Variants in STAMBPL1 observed in about 807,000 individuals in gnomAD.
STAMBPL1 encodes the protein AMSH-like protease.
A neutral mutation model predicts 52.9 loss-of-function variants in STAMBPL1; 44 were observed. The observed-to-expected ratio is 0.83, with a 90% CI of 0.65 to 1.07. The LOEUF (loss-of-function observed/expected upper bound fraction) is 1.07. Among genes scored for constraint, STAMBPL1 ranks in the 50% least tolerant of loss-of-function variants. The pLI, the probability that STAMBPL1 is intolerant of heterozygous loss-of-function variation, is 0.00. For missense variants in STAMBPL1, 511 were observed against 520.8 expected (o/e 0.98, Z 0.18); for synonymous variants, 164 against 177.3 (o/e 0.92, Z 0.60).
intron 1 of STAMBPL1, among the ~76,000 whole-genome samples, chr10:88,895,747 A>C (rs1451630097): frequency 1.3e-5 from 2 of 152,190 alleles, no homozygotes; most frequent in East Asian, 1.9e-4. Context: ...GGCCCCTCCT[A>C]AAGTAGTATA....
intron 9 of STAMBPL1, 37 bp from the exon 10 acceptor site, chr10:88,922,300 C>A (rs1845532875): frequency 6.2e-7 from 1 of 1,601,050 alleles, no homozygotes; most frequent in Non-Finnish European, 8.6e-7. Flanking sequence ...CCAAATGATC[C>A]TTAATTTTTC....
chr10:88,900,413 G>A (rs1844916277), intron 1 of STAMBPL1, among the ~76,000 whole-genome samples: 1 of 152,192 alleles, frequency 6.6e-6, no homozygotes, highest in Non-Finnish European at 1.5e-5. Context: ...AGCATAAAAA[G>A]GATGGGAATT....
intron 1 of STAMBPL1, among the ~76,000 whole-genome samples, chr10:88,890,124 G>A (rs1844641447): frequency 6.6e-6 from 1 of 152,204 alleles, no homozygotes; most frequent in Non-Finnish European, 1.5e-5. Flanking sequence ...TGAGGATGGG[G>A]TGCCTTTGCA....
chr10:88,900,272 T>C (rs1844912660), intron 1 of STAMBPL1, among the ~76,000 whole-genome samples: 1 of 152,206 alleles, frequency 6.6e-6, no homozygotes, highest in South Asian at 2.1e-4. Context: ...GAATCCATCT[T>C]AACCCCTTGT....
At chr10:88,881,544 G>A (rs537652530) in intron 1 of STAMBPL1, among the ~76,000 whole-genome samples, 3 of 152,218 alleles carry the variant, frequency 2.0e-5, no homozygotes, top group African/African-American at 7.2e-5. Flanking sequence ...TGAAGTCCTG[G>A]ATTTTAAGCT....
chr10:88,886,190 A>T (rs1328499789), intron 1 of STAMBPL1, among the ~76,000 whole-genome samples: 3 of 152,256 alleles, frequency 2.0e-5, no homozygotes, highest in Non-Finnish European at 4.4e-5. Flanking sequence ...GAAAACTAGC[A>T]ATCATCTGGG....
At chr10:88,889,343 A>C (rs17113942) in intron 1 of STAMBPL1, among the ~76,000 whole-genome samples, 3 of 152,210 alleles carry the variant, frequency 2.0e-5, no homozygotes, top group African/African-American at 7.2e-5. Flanking sequence ...AGTTGGACCA[A>C]TCATATACAT....
chr10:88,896,187 A>G (rs1844806278), intron 1 of STAMBPL1, among the ~76,000 whole-genome samples: 1 of 152,252 alleles, frequency 6.6e-6, no homozygotes, highest in South Asian at 2.1e-4. Flanking sequence ...TTTATCATCT[A>G]TGTCACAGCA....
chr10:88,907,406 T>C (rs547476610), intron 3 of STAMBPL1, among the ~76,000 whole-genome samples: 1 of 152,192 alleles, frequency 6.6e-6, no homozygotes, highest in African/African-American at 2.4e-5. Flanking sequence ...AATATGAAAT[T>C]AGAAGTTATT....
rs1564625931 is a variant in STAMBPL1 at position 88,901,703 on chromosome 10, G to A, written c.-6G>A. Reference sequence around the variant, plus strand: ...GTGAACATCCTCATTTCACAGATAAGACAACATGGATCAGCCTTTTACTGT... The same window carrying A: ...GTGAACATCCTCATTTCACAGATAAAACAACATGGATCAGCCTTTTACTGT... On this transcript the variant is annotated 5_prime_UTR_variant, in exon 2 of 11. Transcript: ENST00000371926. 2.5e-6 allele frequency: 4 copies of A among 1,611,304 alleles called. No individual in the cohort carries two copies. Among genetic ancestry groups the A allele is most frequent in the Non-Finnish European group, 2.5e-6 (3 of 1,178,932 alleles).
intron 1 of STAMBPL1, among the ~76,000 whole-genome samples, chr10:88,899,360 T>A (rs1001814555): frequency 6.6e-6 from 1 of 152,218 alleles, no homozygotes; most frequent in Non-Finnish European, 1.5e-5. Context: ...AGGGTGGGTC[T>A]TAGGAGACTG....
At chr10:88,894,386 C>G (rs1013648101) in intron 1 of STAMBPL1, among the ~76,000 whole-genome samples, 17 of 151,328 alleles carry the variant, frequency 1.1e-4, no homozygotes, top group African/African-American at 4.1e-4. Context: ...TTTTGGCTAT[C>G]TTTTTCTATT....
chr10:88,888,678 G>A (rs529529233), intron 1 of STAMBPL1, among the ~76,000 whole-genome samples: 2 of 152,244 alleles, frequency 1.3e-5, no homozygotes, highest in South Asian at 2.1e-4. Flanking sequence ...AATATTGTGA[G>A]GCAAGGAAGG....
chr10:88,894,932 T>C (rs1844776270), intron 1 of STAMBPL1, among the ~76,000 whole-genome samples: 1 of 152,236 alleles, frequency 6.6e-6, no homozygotes, highest in Non-Finnish European at 1.5e-5. Flanking sequence ...GATTTTCTTA[T>C]ATTTCCAGAG....
chr10:88,905,692 A>T (rs1393819095), intron 3 of STAMBPL1, 32 bp downstream of exon 3: 2 of 1,539,662 alleles, frequency 1.3e-6, no homozygotes, highest in African/African-American at 1.4e-5. Context: ...GAAGTGAGAA[A>T]ATTGGAAAAA....
At position 88,908,691 on chromosome 10, in the gene STAMBPL1, C is replaced by A; in HGVS notation, c.249-11C>A. 1 of 1,606,584 alleles carries A rather than the reference C, an allele frequency of 6.2e-7. No homozygotes were observed. Among genetic ancestry groups the A allele is most frequent in the Non-Finnish European group, 8.5e-7 (1 of 1,177,148 alleles). ...TCACATAATGCTAAGGACATGTTTT[C>A]TCTTCCTTAGCTTATTTGTAGAAAA... On this transcript the variant is annotated splice_polypyrimidine_tract_variant and intron_variant, in intron 3 of 10. Coordinates refer to ENST00000371926, the MANE Select transcript of STAMBPL1 (RefSeq NM_020799.4).
intron 1 of STAMBPL1, among the ~76,000 whole-genome samples, chr10:88,889,554 G>A (rs1340342909): frequency 6.6e-6 from 1 of 152,098 alleles, no homozygotes; most frequent in Non-Finnish European, 1.5e-5. Context: ...ATAGCTGTCA[G>A]TGGTGCAAAC....
chr10:88,894,037 C>G (rs1235934798), intron 1 of STAMBPL1: 2 of 152,096 alleles, frequency 1.3e-5, no homozygotes, highest in Non-Finnish European at 2.9e-5. Flanking sequence ...GTTTTCTTAT[C>G]TGTAAAATGG....
intron 1 of STAMBPL1, among the ~76,000 whole-genome samples, chr10:88,891,389 A>G (rs188729911): frequency 2.5e-3 from 380 of 152,320 alleles, no homozygotes; most frequent in Non-Finnish European, 4.2e-3. Context: ...TAATTATAGA[A>G]GGAAAAATAG....
Sources: gnomAD v4.1 joint callset for allele counts (sites outside exome capture counted in the v4.1 genomes callset) on GRCh38, gnomAD v4.1.1 for gene constraint, MANE v1.5 for transcripts, NCBI Gene and HGNC (gene_info 2026-07-23, HGNC 2026-07-21) for gene names.